FHIT: variants seen among roughly 807,000 people sequenced by gnomAD.
FHIT encodes the protein bis(5'-adenosyl)-triphosphatase.
FHIT carries 19 observed loss-of-function variants against 17.9 expected under a neutral mutation model. The observed-to-expected ratio is 1.06, with a 90% confidence interval of 0.74 to 1.56. The LOEUF (loss-of-function observed/expected upper bound fraction) is 1.56. FHIT is among the 40% of genes most tolerant of loss of function. The pLI is 0.00. For synonymous variants in FHIT, 81 were observed against 69.7 expected (o/e 1.16, Z -0.81); for missense variants, 248 against 189.2 (o/e 1.31, Z -1.82).
chr3:61,034,781 G>C (rs564954783), intron 3 of FHIT, among the ~76,000 whole-genome samples: 1 of 152,114 alleles, frequency 6.6e-6, no homozygotes, highest in Non-Finnish European at 1.5e-5. Context: ...TCACTGGTAG[G>C]TATATATCCA....
intron 5 of FHIT, among the ~76,000 whole-genome samples, chr3:60,091,157 A>G (rs1703713703): frequency 6.6e-6 from 1 of 152,146 alleles, no homozygotes; most frequent in Admixed American, 6.5e-5. Context: ...CAGAGTTGAC[A>G]CTCAAAAACC....
At chr3:60,545,134 T>C (rs1427973617) in intron 4 of FHIT, among the ~76,000 whole-genome samples, 1 of 152,122 alleles carries the variant, frequency 6.6e-6, no homozygotes, top group East Asian at 1.9e-4. Flanking sequence ...CTTAGCCATA[T>C]ATCCTTTTCA....
At chr3:60,359,539 A>C (rs1429355383) in intron 5 of FHIT, among the ~76,000 whole-genome samples, 1 of 152,128 alleles carries the variant, frequency 6.6e-6, no homozygotes, top group African/African-American at 2.4e-5. Flanking sequence ...TTGGCCGCCC[A>C]AAGTGCTGGG....
intron 5 of FHIT, among the ~76,000 whole-genome samples, chr3:60,029,925 G>A (rs1056884437): frequency 2.0e-5 from 3 of 151,598 alleles, no homozygotes; most frequent in African/African-American, 7.3e-5. Flanking sequence ...GTGTGTGTGT[G>A]TGTACAAATG....
At chr3:60,274,902 T>G (rs1265631028) in intron 5 of FHIT, among the ~76,000 whole-genome samples, 1 of 152,136 alleles carries the variant, frequency 6.6e-6, no homozygotes, top group African/African-American at 2.4e-5. Context: ...TAACTTTGCT[T>G]TAGGGAAAAA....
chr3:59,965,078 G>A (rs1485903), intron 7 of FHIT, among the ~76,000 whole-genome samples: 2 of 152,056 alleles, frequency 1.3e-5, no homozygotes, highest in Non-Finnish European at 2.9e-5. Flanking sequence ...TTAAATTTTA[G>A]GAAATAACTA....
Position 60,041,043 on chromosome 3 carries a change from T to G in FHIT, c.104-26891A>C, listed in dbSNP as rs372629184. ...CAGATATGTATCCAAAACATCTCTCTGAAGGACTTTTCTCAATAAAAAAAA... is the reference window on the plus strand; with the variant it reads ...CAGATATGTATCCAAAACATCTCTCGGAAGGACTTTTCTCAATAAAAAAAA... On this transcript the variant is annotated intron_variant, in intron 5 of 9. Coordinates refer to ENST00000492590, the MANE Select transcript of FHIT (RefSeq NM_002012.4). Among the ~76,000 whole-genome samples the G allele has an allele frequency of 1.8e-3, 274 of 152,260 alleles. 2 individuals are homozygous for G. Among genetic ancestry groups the G allele is most frequent in the Middle Eastern group, 6.8e-3 (2 of 294 alleles).
chr3:59,752,912 T>C (rs1040160384), intron 8 of FHIT, among the ~76,000 whole-genome samples: 5 of 152,170 alleles, frequency 3.3e-5, no homozygotes, highest in African/African-American at 1.2e-4. Flanking sequence ...CTTATAGCAC[T>C]GTAAGAATGG....
intron 5 of FHIT, among the ~76,000 whole-genome samples, chr3:60,283,137 A>G (rs990498628): frequency 2.0e-5 from 3 of 152,134 alleles, no homozygotes; most frequent in Non-Finnish European, 4.4e-5. Flanking sequence ...ACAAAGAAAT[A>G]AACTAATTAG....
intron 4 of FHIT, among the ~76,000 whole-genome samples, chr3:60,710,126 A>T (rs2041482943): frequency 6.6e-6 from 1 of 151,776 alleles, no homozygotes; most frequent in South Asian, 2.1e-4. Context: ...TAAATTAATA[A>T]TTTTTACTTT....
At chr3:59,914,471 C>T (rs1269671852) in intron 8 of FHIT, among the ~76,000 whole-genome samples, 2 of 152,134 alleles carry the variant, frequency 1.3e-5, no homozygotes, top group African/African-American at 4.8e-5. Context: ...ATGAATGAAC[C>T]TTGCTCCAAG....
At chr3:60,380,097 G>C (rs1700735440) in intron 5 of FHIT, among the ~76,000 whole-genome samples, 1 of 152,148 alleles carries the variant, frequency 6.6e-6, no homozygotes, top group South Asian at 2.1e-4. Flanking sequence ...GATATAGTTT[G>C]GATGTTTGTC....
intron 3 of FHIT, among the ~76,000 whole-genome samples, chr3:60,837,851 A>G (rs1381469672): frequency 6.6e-6 from 1 of 152,102 alleles, no homozygotes; most frequent in Non-Finnish European, 1.5e-5. Flanking sequence ...TCATCATTTT[A>G]CCAGTTTGAG....
intron 8 of FHIT, among the ~76,000 whole-genome samples, chr3:59,867,729 A>C (rs1355962499): frequency 6.6e-6 from 1 of 151,962 alleles, no homozygotes; most frequent in East Asian, 1.9e-4. Context: ...TTCAGGACCA[A>C]ATATCACATA....
chr3:60,183,413 TAAAC>T lies in FHIT; in HGVS notation c.104-169265_104-169262del, dbSNP rs946051113. On this transcript the variant is annotated intron_variant, in intron 5 of 9. Transcript: ENST00000492590. Reference sequence around the variant, plus strand: ...ACTCTGTCTCAAACAAAGAAACAAATAAACAAACAAACAAAAAAATAAAAGTGGT... The same window carrying T: ...ACTCTGTCTCAAACAAAGAAACAAATAAACAAACAAAAAAATAAAAGTGGT... Among the ~76,000 whole-genome samples the T allele has an allele frequency of 4.7e-4, 72 of 151,998 alleles. 1 individual carries two copies. Among genetic ancestry groups the T allele is most frequent in the African/African-American group, 1.4e-3 (58 of 41,476 alleles).
intron 5 of FHIT, among the ~76,000 whole-genome samples, chr3:60,184,758 C>T (rs772195987): frequency 1.5e-4 from 23 of 152,120 alleles, no homozygotes; most frequent in Admixed American, 2.0e-4. Context: ...GAGAACTATC[C>T]GGAATTCTGC....
intron 7 of FHIT, among the ~76,000 whole-genome samples, chr3:59,976,805 CTCCT>C (rs1404771804): frequency 6.6e-6 from 1 of 152,132 alleles, no homozygotes; most frequent in Non-Finnish European, 1.5e-5. Context: ...ATATCTCCTC[CTCCT>C]TCATCGTGCT....
chr3:60,634,913 G>A, intron 4 of FHIT, among the ~76,000 whole-genome samples: 1 of 152,140 alleles, frequency 6.6e-6, no homozygotes, highest in East Asian at 1.9e-4. Flanking sequence ...AGGCTGGAGT[G>A]CAGTGGCTAT....
At chr3:60,453,016 T>C (rs1266081400) in intron 5 of FHIT, among the ~76,000 whole-genome samples, 1 of 152,196 alleles carries the variant, frequency 6.6e-6, no homozygotes, top group Non-Finnish European at 1.5e-5. Context: ...GTCAAAAGTT[T>C]ACAAGTTCAA....
Sources: allele counts gnomAD v4.1 joint callset (sites outside exome capture counted in the v4.1 genomes callset), GRCh38; gene constraint gnomAD v4.1.1; transcripts MANE v1.5; gene names NCBI Gene and HGNC (gene_info 2026-07-23, HGNC 2026-07-21).